PCDH15: variants seen among roughly 807,000 people sequenced by gnomAD.
PCDH15 encodes the protein protocadherin-15.
PCDH15 carries 129 observed loss-of-function variants against 178.5 expected under a neutral mutation model. The observed-to-expected ratio is 0.72, with a 90% CI of 0.63 to 0.84. The LOEUF (loss-of-function observed/expected upper bound fraction) is 0.84, where lower values mean the gene tolerates loss of function less well. Ranked by LOEUF, PCDH15 falls within the 40% of genes least tolerant of loss-of-function variation. The pLI is 0.00. For synonymous variants in PCDH15, 800 were observed against 732.0 expected, an observed-to-expected ratio of 1.09 and a Z score of -1.50; for missense variants, 2,230 against 2,099.9, an observed-to-expected ratio of 1.06 and a Z score of -1.21.
chr10:54,134,719 C>T (rs1430497299), intron 14 of PCDH15, among the ~76,000 whole-genome samples: 1 of 149,680 alleles, frequency 6.7e-6, no homozygotes, highest in Non-Finnish European at 1.5e-5. Flanking sequence ...CGCCACTGCA[C>T]TCCAGCCTGG....
chr10:54,353,042 G>A (rs1167230754), intron 5 of PCDH15, among the ~76,000 whole-genome samples: 2 of 151,976 alleles, frequency 1.3e-5, no homozygotes, highest in Non-Finnish European at 1.5e-5. Context: ...GTCATCAGTG[G>A]AATATTATTG....
chr10:55,123,888 T>A (rs75612262), intron 2 of PCDH15, among the ~76,000 whole-genome samples: 4,301 of 152,186 alleles, frequency 0.028, 237 homozygotes, highest in East Asian at 0.14. Context: ...TCCCCAAACA[T>A]GGATTTCCCT....
chr10:55,384,476 T>C (rs1054855289), intron 2 of PCDH15, among the ~76,000 whole-genome samples: 3 of 152,186 alleles, frequency 2.0e-5, no homozygotes, highest in Non-Finnish European at 4.4e-5. Context: ...CTCATTCTGA[T>C]GGAAAAATTA....
Position 54,025,449 on chromosome 10 carries a change from C to T in PCDH15, c.2221-2252G>A, listed in dbSNP as rs1235670076. Among the ~76,000 whole-genome samples the T allele has an allele frequency of 2.0e-5, 3 of 151,750 alleles. No homozygotes were observed. The East Asian group carries it at 5.8e-4, about 29-fold the overall frequency. On this transcript the variant is annotated intron_variant, in intron 18 of 37. Transcript: ENST00000644397. ...TGATGGTTGTCATGTGAGGACCAATCCCGGTTGCTAGAGGTCCCCATATCC... is the reference window on the plus strand; with the variant it reads ...TGATGGTTGTCATGTGAGGACCAATTCCGGTTGCTAGAGGTCCCCATATCC...
chr10:54,074,544 T>C (rs1248269030), intron 17 of PCDH15, among the ~76,000 whole-genome samples: 1 of 152,328 alleles, frequency 6.6e-6, no homozygotes, highest in African/African-American at 2.4e-5. Context: ...TAAGGCCGAA[T>C]GATATTTCAT....
chr10:54,582,335 A>G (rs1374195301), intron 2 of PCDH15, among the ~76,000 whole-genome samples: 1 of 152,092 alleles, frequency 6.6e-6, no homozygotes, highest in Non-Finnish European at 1.5e-5. Flanking sequence ...AAAATATTCC[A>G]TAAAGATTGT....
At chr10:54,997,347 C>T (rs1383109833) in intron 2 of PCDH15, among the ~76,000 whole-genome samples, 1 of 152,074 alleles carries the variant, frequency 6.6e-6, no homozygotes, top group Non-Finnish European at 1.5e-5. Context: ...AACAAATTGG[C>T]TTTTAAATAA....
intron 3 of PCDH15, among the ~76,000 whole-genome samples, chr10:54,521,162 T>C (rs931416781): frequency 6.6e-6 from 1 of 151,874 alleles, no homozygotes; most frequent in Non-Finnish European, 1.5e-5. Flanking sequence ...TGTATACATA[T>C]GTAACAAACC....
Position 54,020,325 on chromosome 10 carries a change from T to C in PCDH15, c.2618A>G (p.Glu873Gly). ...ATCTAAACTCCTTAAAAGCGATAGT[T>C]CTCCTGTAAATGGATGTAGTGCAAA... ...HFFALHPFTGELSLLRSLDYE... is the reference protein window; with the variant it reads ...HFFALHPFTGGLSLLRSLDYE... The change falls in exon 20 of 38, where the codon GAA becomes GGA. Residue 873 changes from glutamate (E) to glycine (G), a missense_variant. By Grantham distance (98) the Glu-to-Gly change is moderately conservative. Coordinates refer to ENST00000644397, the MANE Select transcript of PCDH15 (RefSeq NM_001384140.1). The C allele has an allele frequency of 6.2e-7, 1 of 1,613,800 alleles. No individual in the cohort carries two copies. The highest frequency in any genetic ancestry group is 8.5e-7 in the Non-Finnish European group (1 of 1,179,808).
chr10:55,373,390 CA>C (rs1161929302), intron 2 of PCDH15, among the ~76,000 whole-genome samples: 10 of 152,040 alleles, frequency 6.6e-5, no homozygotes, highest in African/African-American at 2.4e-4. Flanking sequence ...CTAGAACGGG[CA>C]GATGATAATT....
intron 2 of PCDH15, among the ~76,000 whole-genome samples, chr10:55,613,016 G>C (rs1589186316): frequency 8.0e-6 from 1 of 124,746 alleles, no homozygotes; most frequent in African/African-American, 3.1e-5. Flanking sequence ...TTACTAGCCA[G>C]ATTTTTTTTT....
intron 1 of PCDH15, among the ~76,000 whole-genome samples, chr10:55,306,745 C>A (rs1843435502): frequency 1.3e-5 from 2 of 152,156 alleles, no homozygotes; most frequent in Admixed American, 6.5e-5. Flanking sequence ...TTACATTATT[C>A]ATGTTGAAAA....
intron 2 of PCDH15, among the ~76,000 whole-genome samples, chr10:55,018,306 CA>C (rs1289614700): frequency 2.4e-4 from 36 of 151,938 alleles, no homozygotes; most frequent in Admixed American, 2.4e-3. Context: ...TCACAGATAC[CA>C]AAATTCATAG....
chr10:54,277,981 A>G (rs1024275207), intron 8 of PCDH15, among the ~76,000 whole-genome samples: 1 of 151,634 alleles, frequency 6.6e-6, no homozygotes, highest in Admixed American at 6.6e-5. Context: ...AACTAGAGAT[A>G]TCAAATAGAT....
At chr10:54,288,139 T>C (rs936322218) in intron 8 of PCDH15, among the ~76,000 whole-genome samples, 1 of 151,914 alleles carries the variant, frequency 6.6e-6, no homozygotes, top group African/African-American at 2.4e-5. Flanking sequence ...CTGGCCAACA[T>C]AGTGAAACCC....
intron 1 of PCDH15, among the ~76,000 whole-genome samples, chr10:55,298,945 T>A (rs1249212726): frequency 6.6e-6 from 1 of 152,148 alleles, no homozygotes; most frequent in Non-Finnish European, 1.5e-5. Flanking sequence ...TTCTCATAAG[T>A]ATTAGCTTCA....
chr10:55,271,647 A>G (rs1230131139), intron 1 of PCDH15, among the ~76,000 whole-genome samples: 1 of 152,102 alleles, frequency 6.6e-6, no homozygotes, highest in East Asian at 1.9e-4. Context: ...AGGATCAGAC[A>G]GATTGAAGCA....
At chr10:53,887,144 TC>T (rs1271038767) in intron 26 of PCDH15, among the ~76,000 whole-genome samples, 4 of 152,166 alleles carry the variant, frequency 2.6e-5, no homozygotes, top group African/African-American at 9.7e-5. Flanking sequence ...TACCACCCTG[TC>T]TTTCAGATCC....
chr10:54,336,796 G>A (rs1346613310), intron 6 of PCDH15, among the ~76,000 whole-genome samples: 2 of 152,196 alleles, frequency 1.3e-5, no homozygotes, highest in African/African-American at 4.8e-5. Context: ...GTGAAGCTGT[G>A]AGTAGAGGGC....
Sources: gnomAD v4.1 joint callset for allele counts (sites outside exome capture counted in the v4.1 genomes callset) on GRCh38, gnomAD v4.1.1 for gene constraint, MANE v1.5 for transcripts, NCBI Gene and HGNC (gene_info 2026-07-23, HGNC 2026-07-21) for gene names.